Variants in CUX1 observed in about 807,000 individuals in gnomAD.
The protein encoded by CUX1 is cut like homeobox 1, also known as protein CASP.
CUX1 carries 31 observed loss-of-function variants against 158.8 expected under a neutral mutation model. That is an observed-to-expected ratio of 0.20 (90% confidence interval 0.15 to 0.26). CUX1 has a LOEUF of 0.26. Among genes scored for constraint, CUX1 ranks in the 10% least tolerant of loss-of-function variants. The probability of loss-of-function intolerance (pLI) is 1.00; values close to 1 mark genes in which losing one functional copy is unlikely to be tolerated. For synonymous variants in CUX1, 879 were observed against 862.1 expected, an observed-to-expected ratio of 1.02 and a Z score of -0.34; for missense variants, 1,589 against 2,014.6, an observed-to-expected ratio of 0.79 and a Z score of 4.04.
At chr7:101,905,371 C>T (rs1004428727) in intron 1 of CUX1, among the ~76,000 whole-genome samples, 15 of 152,198 alleles carry the variant, frequency 9.9e-5, no homozygotes, top group African/African-American at 3.6e-4. Context: ...GGAGCTGGAG[C>T]GACAGCCACA....
At position 102,239,367 on chromosome 7, in the gene CUX1, G is replaced by C; in HGVS notation, c.3670G>C (p.Glu1224Gln). 2 of 1,612,414 alleles carry C rather than the reference G, an allele frequency of 1.2e-6. No individual in the cohort carries two copies. The highest frequency in any genetic ancestry group is 1.7e-6 in the Non-Finnish European group (2 of 1,179,546). The change falls in exon 23 of 24, where the codon GAA (glutamate) becomes CAA (glutamine). Residue 1224 changes from glutamate to glutamine, a missense_variant. By Grantham distance (29) the Glu-to-Gln change is conservative. Transcript: ENST00000292535. ...HSSVSDSQPC[E>Q]PPSVGTEYSQ... ...CTCAGTCAGTGACAGCCAGCCCTGC[G>C]AACCGCCCTCTGTCGGCACCGAGTA...
At chr7:102,240,775 C>T (rs782763350) in intron 23 of CUX1, among the ~76,000 whole-genome samples, 2 of 152,196 alleles carry the variant, frequency 1.3e-5, no homozygotes, top group Non-Finnish European at 2.9e-5. Flanking sequence ...TTAATCCTCA[C>T]AGCTCACAAA....
At chr7:101,978,555 G>T (rs188697930) in intron 2 of CUX1, among the ~76,000 whole-genome samples, 1 of 152,194 alleles carries the variant, frequency 6.6e-6, no homozygotes, top group Non-Finnish European at 1.5e-5. Context: ...TTTCCCCAGC[G>T]GCCTCAGTTT....
intron 2 of CUX1, among the ~76,000 whole-genome samples, chr7:101,941,796 A>C (rs141624769): frequency 6.6e-6 from 1 of 152,328 alleles, no homozygotes; most frequent in Non-Finnish European, 1.5e-5. Context: ...TACCCCACGA[A>C]AGCCTTTGGA....
intron 14 of CUX1, among the ~76,000 whole-genome samples, chr7:102,263,516 ATGT>A (rs1790569559): frequency 6.6e-6 from 1 of 151,636 alleles, no homozygotes; most frequent in Non-Finnish European, 1.5e-5. Flanking sequence ...GAGTTTCATC[ATGT>A]TGTCCATTCT....
intron 1 of CUX1, among the ~76,000 whole-genome samples, chr7:101,905,658 A>G (rs1562988961): frequency 6.6e-6 from 1 of 152,188 alleles, no homozygotes; most frequent in Non-Finnish European, 1.5e-5. Flanking sequence ...AAACACAGCC[A>G]CCATACGCCG....
At chr7:102,144,828 C>T (rs1045500020) in intron 8 of CUX1, among the ~76,000 whole-genome samples, 1 of 152,072 alleles carries the variant, frequency 6.6e-6, no homozygotes, top group African/African-American at 2.4e-5. Flanking sequence ...TGGCTCACGT[C>T]TGTAATCCCA....
rs782331289 is a variant in CUX1 at position 102,252,070 on chromosome 7, G to T, written c.*3028G>T. 3 of 985,314 alleles carry T rather than the reference G, an allele frequency of 3.0e-6. No homozygotes were observed. The highest frequency in any genetic ancestry group is 3.6e-6 in the Non-Finnish European group (3 of 829,908). 61.0% of individuals were successfully genotyped at this position (985,314 alleles called of 1,614,324 possible). A position where few individuals can be genotyped will look rare whatever the true frequency, so the allele number is the denominator to read the frequency against. ...TTACATCTGGTGCCAGATACAATCA[G>T]TTGGTTAAATTTTGCTTGCAGTTCT... On this transcript the variant is annotated 3_prime_UTR_variant, in exon 24 of 24. Coordinates refer to ENST00000292535, the MANE Select transcript of CUX1 (RefSeq NM_181552.4).
intron 20 of CUX1, among the ~76,000 whole-genome samples, chr7:102,227,161 G>C (rs546465197): frequency 6.6e-6 from 1 of 152,154 alleles, no homozygotes; most frequent in African/African-American, 2.4e-5. Flanking sequence ...TTCTCGCAAT[G>C]ATGTTATTTT....
At chr7:102,280,267 C>G (rs1426198165) in intron 19 of CUX1, 13 of 609,362 alleles carry the variant, frequency 2.1e-5, no homozygotes, top group Non-Finnish European at 3.8e-5. Context: ...TCTCGGCCAG[C>G]CTTGCCACGC....
chr7:102,100,859 C>T (rs557621247), intron 5 of CUX1, among the ~76,000 whole-genome samples: 2 of 152,162 alleles, frequency 1.3e-5, no homozygotes, highest in South Asian at 2.1e-4. Flanking sequence ...TAAAGAAATA[C>T]CTTAGTCTGG....
chr7:102,251,700 CTG>C lies in CUX1; in HGVS notation c.*2661_*2662del, dbSNP rs1801523643. 2.0e-6 allele frequency: 2 copies of C among 985,396 alleles called. No homozygotes were observed. The highest frequency in any genetic ancestry group is 2.4e-6 in the Non-Finnish European group (2 of 829,930). The allele number at this position is 985,396 out of a possible 1,614,324, so 61.0% of individuals were successfully genotyped here. A position where few individuals can be genotyped will look rare whatever the true frequency, so the allele number is the denominator to read the frequency against. The stretch of plus-strand genomic sequence containing the variant: ...ACAGTGAGTGGCAGAGCCCTGACGA[CTG>C]TGGTGTCCTCTCCACAAAACCCTCA... On this transcript the variant is annotated 3_prime_UTR_variant, in exon 24 of 24. Transcript: ENST00000292535.
chr7:102,162,801 C>T (rs1417154807), intron 9 of CUX1, among the ~76,000 whole-genome samples: 2 of 152,168 alleles, frequency 1.3e-5, no homozygotes, highest in Non-Finnish European at 2.9e-5. Context: ...CAGGCATCAG[C>T]CACCATGCCC....
At chr7:102,234,694 C>T (rs913913238) in intron 22 of CUX1, among the ~76,000 whole-genome samples, 8 of 147,344 alleles carry the variant, frequency 5.4e-5, no homozygotes, top group East Asian at 4.0e-4. Flanking sequence ...CTGAGGCAGG[C>T]GGATCACTTG....
intron 3 of CUX1, among the ~76,000 whole-genome samples, chr7:102,039,615 G>T (rs1337346415): frequency 8.8e-5 from 13 of 147,548 alleles, no homozygotes; most frequent in Non-Finnish European, 1.6e-4. Context: ...TGATCACACT[G>T]TTGCACTCCA....
downstream of CUX1, among the ~76,000 whole-genome samples, chr7:102,263,102 C>T (rs1554544291): frequency 1.3e-5 from 2 of 150,858 alleles, no homozygotes; most frequent in African/African-American, 2.4e-5. Flanking sequence ...CAACCTCCAC[C>T]TCCCAGGTTC....
intron 1 of CUX1, among the ~76,000 whole-genome samples, chr7:101,906,277 C>G (rs1202816599): frequency 6.6e-6 from 1 of 151,988 alleles, no homozygotes; most frequent in East Asian, 1.9e-4. Context: ...ACTAGGGGAG[C>G]TGCCACGCAG....
rs561309569 is a variant in CUX1, at chr7:101,879,650, C to A, written c.31-36465C>A. ...GTGACCCCCCTGACAGTGGGCTCTC[C>A]CGGCTGGCCCAGTTGAGGGTGGTCA... On this transcript the variant is annotated intron_variant, in intron 1 of 23. Transcript: ENST00000292535. Among the ~76,000 whole-genome samples the A allele has an allele frequency of 2.2e-3, 332 of 152,238 alleles. 2 individuals carry two copies. The highest frequency in any genetic ancestry group is 7.7e-3 in the African/African-American group (319 of 41,476).
chr7:101,999,139 G>C (rs1042602534), intron 2 of CUX1, among the ~76,000 whole-genome samples: 7 of 151,964 alleles, frequency 4.6e-5, no homozygotes, highest in Admixed American at 4.6e-4. Context: ...GCTGTGGCTG[G>C]GCTGTGCTTC....
Sources: allele counts gnomAD v4.1 joint callset (sites outside exome capture counted in the v4.1 genomes callset), GRCh38; gene constraint gnomAD v4.1.1; transcripts MANE v1.5; gene names NCBI Gene and HGNC (gene_info 2026-07-23, HGNC 2026-07-21).